The following DNAJC13 variants were observed in gnomAD, a reference collection of about 807,000 sequenced individuals.
The protein encoded by DNAJC13 is dnaJ homolog subfamily C member 13.
DNAJC13 carries 75 observed loss-of-function variants against 290.5 expected under a neutral mutation model. The ratio of observed to expected loss-of-function variants is 0.26; its 90% CI spans 0.21 to 0.31. The LOEUF is 0.31. DNAJC13 is among the 10% of genes least tolerant of loss of function. The probability of loss-of-function intolerance (pLI) is 1.00; values close to 1 mark genes in which losing one functional copy is unlikely to be tolerated. For missense variants in DNAJC13, 2,260 were observed against 2,674.5 expected, an observed-to-expected ratio of 0.85 and a Z score of 3.42; for synonymous variants, 862 against 892.0, an observed-to-expected ratio of 0.97 and a Z score of 0.60.
intron 2 of DNAJC13, among the ~76,000 whole-genome samples, chr3:132,445,276 A>G (rs950641446): frequency 1.6e-4 from 24 of 152,126 alleles, no homozygotes; most frequent in African/African-American, 5.8e-4. Context: ...GTATTAAAAT[A>G]CAACTAGATA....
intron 44 of DNAJC13, 97 bp downstream of exon 44, chr3:132,511,341 T>C: frequency 7.3e-7 from 1 of 1,367,942 alleles, no homozygotes; most frequent in Non-Finnish European, 1.0e-6. Context: ...GGGAAAATTA[T>C]ACTTGGTTAT....
In DNAJC13 at chr3:132,503,321, C is replaced by G; in HGVS notation, c.4824C>G (p.Ser1608Arg). 3 of 1,614,108 alleles carry G rather than the reference C, an allele frequency of 1.9e-6. No homozygotes were observed. Among genetic ancestry groups the G allele is most frequent in the Middle Eastern group, 1.6e-4 (1 of 6,062 alleles). Reference sequence around the variant, plus strand: ...CAGAAAATCCAACCATAAGGAAAAGCTTAGCTGGCATGCTGACACCCTATG... The same window carrying G: ...CAGAAAATCCAACCATAAGGAAAAGGTTAGCTGGCATGCTGACACCCTATG... ...ATPENPTIRK[S>R]LAGMLTPYVA... Residue 1608 changes from serine to arginine, a missense_variant, in exon 41 of 56, where the codon AGC (serine) becomes AGG (arginine). Ser to Arg is a moderately radical substitution (Grantham distance 110, BLOSUM62 -1). Around this residue, in one of 3 missense-constraint regions of DNAJC13, gnomAD observed 1,494 missense variants for 1,693.7 expected, o/e 0.88. Transcript: ENST00000260818.
intron 51 of DNAJC13, chr3:132,524,055 T>C (rs777320422): frequency 5.4e-6 from 1 of 185,830 alleles, no homozygotes; most frequent in East Asian, 1.4e-4. Context: ...CCTCTGAGAG[T>C]GTGTTCTGTT....
rs1021911337 is a variant in DNAJC13, at chr3:132,499,264, G to C, written c.4295G>C (p.Cys1432Ser). ...ATELAFHTVNCSALNAEELRR... is the reference protein window; with the variant it reads ...ATELAFHTVNSSALNAEELRR... ...GAGCTAGCTTTCCATACTGTCAACT[G>C]TTCAGCCCTCAATGCTGAAGAGCTC... Residue 1432 changes from cysteine (C) to serine (S), a missense_variant, in exon 37 of 56, where the codon TGT (cysteine) becomes TCT (serine). Physicochemically the swap from Cys to Ser is moderately radical, Grantham distance 112. Coordinates refer to ENST00000260818, the MANE Select transcript of DNAJC13 (RefSeq NM_015268.4). The C allele has an allele frequency of 6.2e-7, 1 of 1,613,848 alleles. No individual in the cohort carries two copies. Among genetic ancestry groups the C allele is most frequent in the Non-Finnish European group, 8.5e-7 (1 of 1,179,858 alleles).
At chr3:132,536,227 A>C (rs928690622) in intron 55 of DNAJC13, among the ~76,000 whole-genome samples, 1 of 152,228 alleles carries the variant, frequency 6.6e-6, no homozygotes, top group South Asian at 2.1e-4. Flanking sequence ...CCCAGCAGTT[A>C]GCTGGATGAT....
At position 132,483,421 on chromosome 3, in the gene DNAJC13, G is replaced by C. The variant is rs1334872643; in HGVS notation, c.3026G>C (p.Cys1009Ser). The C allele has an allele frequency of 6.2e-7, 1 of 1,614,128 alleles. No individual in the cohort carries two copies. Among genetic ancestry groups the C allele is most frequent in the Admixed American group, 1.7e-5 (1 of 60,024 alleles). ...TKGMLNAKTR[C>S]WAQGMDGWRP... ...GGAATGTTAAATGCAAAAACCAGAT[G>C]CTGGGCTCAAGGCATGGATGGATGG... Residue 1009 changes from cysteine (C) to serine (S), a missense_variant, in exon 28 of 56, where the codon TGC (cysteine) becomes TCC (serine). Cys to Ser is a moderately radical substitution (Grantham distance 112). Around this residue, in one of 3 missense-constraint regions of DNAJC13, gnomAD observed 1,494 missense variants for 1,693.7 expected, o/e 0.88. Transcript: ENST00000260818.
chr3:132,512,050 A>T (rs1441245285), intron 44 of DNAJC13, among the ~76,000 whole-genome samples: 1 of 152,182 alleles, frequency 6.6e-6, no homozygotes, highest in East Asian at 1.9e-4. Flanking sequence ...ATGTTATTAA[A>T]GACAGTGTTA....
At chr3:132,418,840 A>G (rs1938875067) in intron 1 of DNAJC13, among the ~76,000 whole-genome samples, 1 of 152,212 alleles carries the variant, frequency 6.6e-6, no homozygotes, top group Admixed American at 6.5e-5. Flanking sequence ...CTGCAGGGAA[A>G]ATTACAGTGA....
intron 55 of DNAJC13, among the ~76,000 whole-genome samples, chr3:132,534,291 A>G (rs1251201446): frequency 2.6e-5 from 4 of 152,180 alleles, no homozygotes; most frequent in Non-Finnish European, 4.4e-5. Context: ...CATGTTATCA[A>G]TCTGGGATGC....
Position 132,533,057 on chromosome 3 carries a change from C to CTTTT in DNAJC13, c.6625+1973_6625+1976dup, listed in dbSNP as rs35854494. On this transcript the variant is annotated intron_variant, in intron 55 of 55. Coordinates refer to ENST00000260818, the MANE Select transcript of DNAJC13 (RefSeq NM_015268.4). ...TACAGGCGTGAGACACCACACCTGG[C>CTTTT]TTTTTTTTTTTTTTTTGCGACGGAG... is the stretch of plus-strand genomic sequence containing the variant. Among the ~76,000 whole-genome samples the CTTTT allele has an allele frequency of 2.3e-4, 24 of 102,902 alleles. 1 individual carries two copies. Among genetic ancestry groups the CTTTT allele is most frequent in the African/African-American group, 7.4e-4 (19 of 25,706 alleles). 67.5% of individuals were successfully genotyped at this position (102,902 alleles called of 152,430 possible). A position where few individuals can be genotyped will look rare whatever the true frequency, so the allele number is the denominator to read the frequency against.
In DNAJC13 at chr3:132,453,364, A is replaced by G. The variant is rs143094551; in HGVS notation, c.604A>G (p.Ile202Val). Residue 202 changes from isoleucine to valine, a missense_variant, in exon 7 of 56, where the codon ATA (isoleucine) becomes GTA (valine). Ile to Val is a conservative substitution (Grantham distance 29, BLOSUM62 3). This residue lies in a region of DNAJC13 where 762 missense variants were observed against 964.1 expected (regional missense o/e 0.79). Transcript: ENST00000260818. ...KSAIDHAGNYIGISLRIRKEP... is the reference protein window; with the variant it reads ...KSAIDHAGNYVGISLRIRKEP... ...TGCAATAGACCATGCTGGTAACTAC[A>G]TAGGTATTTCATTGCGGATCAGGAA... is the stretch of plus-strand genomic sequence containing the variant. The G allele has an allele frequency of 4.8e-5, 77 of 1,613,954 alleles. No individual in the cohort carries two copies. In the African/African-American group the frequency reaches 7.2e-4, roughly 15 times the overall value.
chr3:132,462,413 G>T, intron 15 of DNAJC13, 54 bp from the exon 16 acceptor site: 1 of 1,535,572 alleles, frequency 6.5e-7, no homozygotes, highest in East Asian at 2.3e-5. Flanking sequence ...AGCTAAATGT[G>T]TTGGAATAAA....
chr3:132,453,382 A>C lies in DNAJC13; in HGVS notation c.622A>C (p.Ile208Leu). ...AGNYIGISLR[I>L]RKEPLEFEQY... Reference sequence around the variant, plus strand: ...TAACTACATAGGTATTTCATTGCGGATCAGGAAAGAGCCTTTAGAATTCGA... The same window carrying C: ...TAACTACATAGGTATTTCATTGCGGCTCAGGAAAGAGCCTTTAGAATTCGA... Residue 208 changes from isoleucine (I) to leucine (L), a missense_variant, in exon 7 of 56, where the codon ATC becomes CTC. Physicochemically the swap from Ile to Leu is conservative, Grantham distance 5. Coordinates refer to ENST00000260818, the MANE Select transcript of DNAJC13 (RefSeq NM_015268.4). 2 of 1,613,972 alleles carry C rather than the reference A, an allele frequency of 1.2e-6. No individual in the cohort carries two copies. The highest frequency in any genetic ancestry group is 2.2e-5 in the South Asian group (2 of 91,082).
rs559617105 is a variant in DNAJC13, at chr3:132,497,594, C to T, written c.4156+931C>T. On this transcript the variant is annotated intron_variant, in intron 36 of 55. Transcript: ENST00000260818. ...ACTTTTACATGAGTTTAACAGAATA[C>T]GTTTATAATACATTTTAGATATATG... is the stretch of plus-strand genomic sequence containing the variant. 2.7e-4 allele frequency among the ~76,000 whole-genome samples: 41 copies of T among 152,324 alleles called. No homozygotes were observed. In the South Asian group the frequency reaches 7.2e-3, roughly 27 times the overall value.
At chr3:132,505,588 T>C (rs1935557983) in intron 42 of DNAJC13, among the ~76,000 whole-genome samples, 173 bp downstream of exon 42, 1 of 152,246 alleles carries the variant, frequency 6.6e-6, no homozygotes, top group African/African-American at 2.4e-5. Context: ...TTGTATGTAG[T>C]AATACATTAG....
chr3:132,418,470 G>GC (rs937166650), intron 1 of DNAJC13, among the ~76,000 whole-genome samples: 41 of 152,108 alleles, frequency 2.7e-4, no homozygotes, highest in African/African-American at 9.4e-4. Context: ...TCCTTTTGTA[G>GC]CGTGTTCCGT....
chr3:132,494,336 A>G, intron 34 of DNAJC13, 77 bp downstream of exon 34: 2 of 1,117,028 alleles, frequency 1.8e-6, no homozygotes, highest in East Asian at 2.4e-5. Context: ...TTATATTTAA[A>G]TCAATCATTT....
chr3:132,470,140 G>T (rs1426944510), intron 20 of DNAJC13, among the ~76,000 whole-genome samples: 2 of 91,196 alleles, frequency 2.2e-5, no homozygotes, highest in Admixed American at 1.2e-4. Flanking sequence ...GCGGCCTTCC[G>T]CAGTGTTTGT....
chr3:132,423,500 T>C (rs1193140005), intron 1 of DNAJC13, among the ~76,000 whole-genome samples: 1 of 152,218 alleles, frequency 6.6e-6, no homozygotes, highest in African/African-American at 2.4e-5. Flanking sequence ...AGCTACAGAA[T>C]GTATTTTGAA....
Sources: gnomAD v4.1 joint callset for allele counts (sites outside exome capture counted in the v4.1 genomes callset) on GRCh38, gnomAD v4.1.1 for gene constraint, gnomAD v4.1.1 regional missense constraint, MANE v1.5 for transcripts, NCBI Gene and HGNC (gene_info 2026-07-23, HGNC 2026-07-21) for gene names.